ATR: variants seen among roughly 807,000 people sequenced by gnomAD.
ATR encodes serine/threonine-protein kinase ATR.
Under a neutral mutation model 305.3 loss-of-function variants are expected in ATR, and 142 were observed. That is an observed-to-expected ratio of 0.47 (90% CI 0.41 to 0.53). The LOEUF is 0.53. ATR is among the 20% of genes least tolerant of loss of function. The pLI is 0.00. For missense variants in ATR, 2,135 were observed against 3,133.1 expected (o/e 0.68, Z 7.60); for synonymous variants, 1,050 against 1,068.1 (o/e 0.98, Z 0.33).
chr3:142,541,186 T>C, intron 17 of ATR, 152 bp from the exon 18 acceptor site: 1 of 1,013,616 alleles, frequency 9.9e-7, no homozygotes, highest in East Asian at 2.6e-5. Context: ...CAGTTTGTTT[T>C]GTCCAATTGC....
In ATR at chr3:142,522,720, A is replaced by G. The variant is rs1294311596; in HGVS notation, c.4266+8T>C. On this transcript the variant is annotated splice_region_variant and intron_variant, in intron 23 of 46. Transcript: ENST00000350721. ...TTTAAAGCCAGTAATGACTATATCC[A>G]CTCTTACCTGAATGGCATAGGCAGC... 2 of 1,595,584 alleles carry G rather than the reference A, an allele frequency of 1.3e-6. No individual in the cohort carries two copies. Among genetic ancestry groups the G allele is most frequent in the Admixed American group, 3.3e-5 (2 of 59,944 alleles).
rs774286189 is a variant in ATR, at chr3:142,466,408, T to A, written c.6813A>T (p.Pro2271=). Residue 2271 remains proline (P), a synonymous_variant, in exon 40 of 47, where the codon CCA becomes CCT. Coordinates refer to ENST00000350721, the MANE Select transcript of ATR (RefSeq NM_001184.4). ...PLQSVMIPTL[P]SILGTHANHA... The stretch of plus-strand genomic sequence containing the variant: ...GGTTAGCATGGGTACCCAGAATTGA[T>A]GGAAGTGTAGGTATCATGACTGATT... 1 of 1,614,034 alleles carries A rather than the reference T, an allele frequency of 6.2e-7. No homozygotes were observed. Among genetic ancestry groups the A allele is most frequent in the South Asian group, 1.1e-5 (1 of 91,082 alleles).
chr3:142,519,888 C>G, intron 23 of ATR, 104 bp from the exon 24 acceptor site: 1 of 872,480 alleles, frequency 1.1e-6, no homozygotes, highest in Non-Finnish European at 1.9e-6. Context: ...AGCCATAACT[C>G]ATTTTATTGC....
At chr3:142,520,033 G>T (rs1227240914) in intron 23 of ATR, among the ~76,000 whole-genome samples, 2 of 151,994 alleles carry the variant, frequency 1.3e-5, no homozygotes, top group Non-Finnish European at 2.9e-5. Context: ...CTCACTTCAT[G>T]TCTCTATGTC....
Position 142,496,444 on chromosome 3 carries a change from T to C in ATR, c.5815A>G (p.Thr1939Ala), listed in dbSNP as rs776703074. Residue 1939 changes from threonine to alanine, a missense_variant, in exon 34 of 47, where the codon ACA becomes GCA. By Grantham distance (58) the Thr-to-Ala change is moderately conservative (BLOSUM62 0). Coordinates refer to ENST00000350721, the MANE Select transcript of ATR (RefSeq NM_001184.4). ...RVARKAGHHQ[T>A]AYNALLNAGE... ...GCATTAAGGAGAGCATTGTAGGCTGTCTGGTGGTGACCAGCCTTTCTAGCT... is the reference window on the plus strand; with the variant it reads ...GCATTAAGGAGAGCATTGTAGGCTGCCTGGTGGTGACCAGCCTTTCTAGCT... The C allele has an allele frequency of 9.3e-6, 15 of 1,611,764 alleles. No homozygotes were observed. Among genetic ancestry groups the C allele is most frequent in the South Asian group, 8.8e-5 (8 of 90,968 alleles).
At chr3:142,515,571 A>G in intron 24 of ATR, 56 bp from the exon 25 acceptor site, 1 of 1,510,920 alleles carries the variant, frequency 6.6e-7, no homozygotes, top group Non-Finnish European at 9.1e-7. Context: ...TTAGAATTTT[A>G]GTAAATTACA....
Position 142,499,122 on chromosome 3 carries a change from C to A in ATR, c.5381-348G>T, listed in dbSNP as rs140135864. 6.4e-5 allele frequency: 24 copies of A among 374,118 alleles called. No individual in the cohort carries two copies. The East Asian group carries it at 1.5e-3, about 24-fold the overall frequency. 23.2% of individuals were successfully genotyped at this position (374,118 alleles called of 1,614,324 possible). A position where few individuals can be genotyped will look rare whatever the true frequency, so the allele number is the denominator to read the frequency against. The stretch of plus-strand genomic sequence containing the variant: ...TCTAGAGCTCTTGGCTTCAAGCAAT[C>A]CTCCCACCTTGGCCTCCCAAAACAC... On this transcript the variant is annotated intron_variant, in intron 31 of 46. Transcript: ENST00000350721.
chr3:142,509,700 G>C (rs912580534), intron 27 of ATR, among the ~76,000 whole-genome samples: 1 of 151,638 alleles, frequency 6.6e-6, no homozygotes, highest in Non-Finnish European at 1.5e-5. Context: ...TAGGACTACA[G>C]GTGCACACCA....
chr3:142,541,083 A>G, intron 17 of ATR, 49 bp from the exon 18 acceptor site: 1 of 1,605,424 alleles, frequency 6.2e-7, no homozygotes, highest in South Asian at 1.1e-5. Context: ...ACATGCTGCC[A>G]GAAGCAGATG....
At chr3:142,469,991 C>T (rs1279145370) in intron 37 of ATR, 95 bp downstream of exon 37, 13 of 948,720 alleles carry the variant, frequency 1.4e-5, no homozygotes, top group Non-Finnish European at 1.8e-5. Flanking sequence ...AAATTCATTC[C>T]AAGCTTCTAG....
chr3:142,536,721 T>C (rs935711732), intron 19 of ATR, among the ~76,000 whole-genome samples: 12 of 152,170 alleles, frequency 7.9e-5, no homozygotes, highest in African/African-American at 2.9e-4. Flanking sequence ...GCCACATCAG[T>C]GACCACTTGT....
chr3:142,545,176 T>A (rs1229545029), intron 16 of ATR, among the ~76,000 whole-genome samples: 1 of 152,190 alleles, frequency 6.6e-6, no homozygotes, highest in African/African-American at 2.4e-5. Flanking sequence ...TCTCTCTCAT[T>A]AGCTTACAAG....
chr3:142,477,104 T>C (rs898182797), intron 36 of ATR, among the ~76,000 whole-genome samples: 4 of 152,218 alleles, frequency 2.6e-5, no homozygotes, highest in African/African-American at 9.6e-5. Flanking sequence ...CCTGCCTGAT[T>C]GCCCTGGCCA....
chr3:142,473,248 T>G (rs372283288), intron 36 of ATR, among the ~76,000 whole-genome samples: 7 of 152,230 alleles, frequency 4.6e-5, no homozygotes, highest in African/African-American at 1.7e-4. Flanking sequence ...CATTTAAGTT[T>G]TTAAGCCATT....
At chr3:142,458,525 G>T (rs1354669012) in intron 44 of ATR, among the ~76,000 whole-genome samples, 1 of 152,056 alleles carries the variant, frequency 6.6e-6, no homozygotes, top group African/African-American at 2.4e-5. Context: ...TTATTCCCAG[G>T]TCCCACTCTG....
At chr3:142,476,262 A>T (rs1266246552) in intron 36 of ATR, among the ~76,000 whole-genome samples, 1 of 152,132 alleles carries the variant, frequency 6.6e-6, no homozygotes, top group Non-Finnish European at 1.5e-5. Flanking sequence ...ATCTTGAATT[A>T]ATTTTCGTAT....
intron 36 of ATR, among the ~76,000 whole-genome samples, chr3:142,479,777 T>C (rs1380893847): frequency 6.6e-6 from 1 of 152,238 alleles, no homozygotes; most frequent in African/African-American, 2.4e-5. Context: ...TTGGAGGCTT[T>C]GTTCGTTTCT....
At chr3:142,550,105 T>A in intron 14 of ATR, 27 bp downstream of exon 14, 2 of 1,612,278 alleles carry the variant, frequency 1.2e-6, no homozygotes. Flanking sequence ...ATTGCAAACC[T>A]CAAGTGAACT....
intron 36 of ATR, among the ~76,000 whole-genome samples, chr3:142,476,141 T>C (rs2071438533): frequency 6.6e-6 from 1 of 152,212 alleles, no homozygotes; most frequent in Non-Finnish European, 1.5e-5. Context: ...GCCATTGCTT[T>C]TGGTGTTTTA....
Sources: allele counts gnomAD v4.1 joint callset (sites outside exome capture counted in the v4.1 genomes callset), GRCh38; gene constraint gnomAD v4.1.1; transcripts MANE v1.5; gene names NCBI Gene and HGNC (gene_info 2026-07-23, HGNC 2026-07-21).